Variants in RNF150 observed in about 807,000 individuals in gnomAD.
RNF150 encodes ring finger protein 150.
RNF150 carries 24 observed loss-of-function variants against 39.3 expected under a neutral mutation model. The ratio of observed to expected loss-of-function variants is 0.61; its 90% CI spans 0.44 to 0.86. RNF150 has a LOEUF of 0.86. Among genes scored for constraint, RNF150 ranks in the 40% least tolerant of loss-of-function variants. The pLI, the probability that RNF150 is intolerant of heterozygous loss-of-function variation, is 0.00. For synonymous variants in RNF150, 255 were observed against 227.3 expected (o/e 1.12, Z -1.10); for missense variants, 502 against 587.8 (o/e 0.85, Z 1.51).
chr4:141,194,390 G>C (rs937068908), intron 1 of RNF150, among the ~76,000 whole-genome samples: 7 of 152,110 alleles, frequency 4.6e-5, no homozygotes, highest in Non-Finnish European at 8.8e-5. Context: ...GAACTATACG[G>C]TATTTTCACA....
intron 1 of RNF150, among the ~76,000 whole-genome samples, chr4:141,203,723 GA>G (rs1258978057): frequency 6.9e-6 from 1 of 145,626 alleles, no homozygotes; most frequent in Non-Finnish European, 1.5e-5. Context: ...TTTGGGTTCT[GA>G]GGCGGATAGA....
intron 1 of RNF150, among the ~76,000 whole-genome samples, chr4:141,174,919 T>G (rs1727784347): frequency 6.7e-6 from 1 of 149,554 alleles, no homozygotes; most frequent in Non-Finnish European, 1.5e-5. Flanking sequence ...CTGTACCAAC[T>G]CCAAATGAAG....
intron 1 of RNF150, among the ~76,000 whole-genome samples, chr4:140,968,679 G>T (rs1313995735): frequency 6.6e-6 from 1 of 151,576 alleles, no homozygotes; most frequent in Non-Finnish European, 1.5e-5. Flanking sequence ...CCAGTTATTA[G>T]ACAGCTTGGA....
Position 140,967,666 on chromosome 4 carries a change from T to C in RNF150, c.692A>G (p.Tyr231Cys). 1.9e-6 allele frequency: 3 copies of C among 1,613,232 alleles called. No individual in the cohort carries two copies. The highest frequency in any genetic ancestry group is 2.5e-6 in the Non-Finnish European group (3 of 1,179,432). Residue 231 changes from tyrosine to cysteine, a missense_variant, in exon 2 of 7, where the codon TAC becomes TGC. Tyr to Cys is a radical substitution (Grantham distance 194, BLOSUM62 -2). Transcript: ENST00000515673. The stretch of plus-strand genomic sequence containing the variant: ...ATTTGCATATCGAAACCTCTGGATG[T>C]AATAAAAGACGAGCCATGCGAGGGA... ...IISLAWLVFY[Y>C]IQRFRYANAR...
chr4:140,917,632 G>A (rs546169934), intron 5 of RNF150, among the ~76,000 whole-genome samples: 4 of 152,254 alleles, frequency 2.6e-5, no homozygotes, highest in South Asian at 2.1e-4. Flanking sequence ...ACAGATCAAC[G>A]AGACAGAAAG....
At chr4:141,068,568 T>C (rs1737555229) in intron 1 of RNF150, among the ~76,000 whole-genome samples, 1 of 151,944 alleles carries the variant, frequency 6.6e-6, no homozygotes, top group Admixed American at 6.6e-5. Flanking sequence ...ATATGAACTT[T>C]AAAGTAGTTT....
At chr4:140,899,294 AT>A (rs1483787458) in intron 6 of RNF150, among the ~76,000 whole-genome samples, 2 of 152,146 alleles carry the variant, frequency 1.3e-5, no homozygotes, top group Admixed American at 6.5e-5. Context: ...CAGCTTCCAG[AT>A]TTTCCAAATT....
intron 5 of RNF150, among the ~76,000 whole-genome samples, chr4:140,922,588 A>G (rs1424185630): frequency 6.6e-6 from 1 of 151,664 alleles, no homozygotes; most frequent in African/African-American, 2.4e-5. Context: ...CAAGCTACCA[A>G]TGACTTTCTT....
chr4:141,111,004 T>C (rs563657103), intron 1 of RNF150, among the ~76,000 whole-genome samples: 1 of 152,028 alleles, frequency 6.6e-6, no homozygotes, highest in Non-Finnish European at 1.5e-5. Flanking sequence ...TGAGAACCCA[T>C]CTAGGAGGGG....
intron 6 of RNF150, among the ~76,000 whole-genome samples, chr4:140,898,171 G>T (rs1335310655): frequency 6.6e-6 from 1 of 151,960 alleles, no homozygotes; most frequent in South Asian, 2.1e-4. Context: ...TGGATGCTAG[G>T]GATATACTAT....
chr4:141,019,981 T>C (rs1161916648), intron 1 of RNF150, among the ~76,000 whole-genome samples: 1 of 152,136 alleles, frequency 6.6e-6, no homozygotes, highest in Non-Finnish European at 1.5e-5. Flanking sequence ...GCTTGAAAAA[T>C]TGGATCACCT....
chr4:140,901,613 G>A (rs954261770), intron 6 of RNF150, among the ~76,000 whole-genome samples: 2 of 152,096 alleles, frequency 1.3e-5, no homozygotes, highest in Non-Finnish European at 2.9e-5. Flanking sequence ...TCCAACTGAC[G>A]TTTATTAAAT....
intron 1 of RNF150, among the ~76,000 whole-genome samples, chr4:141,156,294 T>C (rs1317523638): frequency 6.6e-6 from 1 of 152,182 alleles, no homozygotes; most frequent in East Asian, 1.9e-4. Flanking sequence ...TATTTATTTA[T>C]TTCTGAGACA....
intron 1 of RNF150, among the ~76,000 whole-genome samples, chr4:141,019,059 T>C (rs1303769811): frequency 1.7e-5 from 2 of 114,506 alleles, no homozygotes; most frequent in African/African-American, 3.5e-5. Flanking sequence ...TATATATATA[T>C]ATATATATAT....
At chr4:141,134,745 G>A (rs1347922452), upstream of RNF150, among the ~76,000 whole-genome samples, 1 of 152,184 alleles carries the variant, frequency 6.6e-6, no homozygotes. Flanking sequence ...TTGGGACAGT[G>A]CTTTTTATAG....
chr4:140,995,943 T>G (rs144526667), intron 1 of RNF150, among the ~76,000 whole-genome samples: 2 of 152,180 alleles, frequency 1.3e-5, no homozygotes, highest in Admixed American at 1.3e-4. Context: ...AACATGGGAT[T>G]CAGATATCTC....
At chr4:140,952,790 A>C (rs1476675285) in intron 2 of RNF150, among the ~76,000 whole-genome samples, 1 of 152,210 alleles carries the variant, frequency 6.6e-6, no homozygotes, top group Non-Finnish European at 1.5e-5. Context: ...CCAAATTAGC[A>C]GAATTAATAG....
chr4:140,885,347 C>T (rs188789114), intron 6 of RNF150, among the ~76,000 whole-genome samples: 7 of 143,706 alleles, frequency 4.9e-5, no homozygotes, highest in East Asian at 4.1e-4. Flanking sequence ...ATTACAGGTG[C>T]GTGCCATCAC....
intron 4 of RNF150, among the ~76,000 whole-genome samples, chr4:140,935,032 AAT>A (rs1233671306): frequency 2.1e-4 from 2 of 9,334 alleles, no homozygotes; most frequent in African/African-American, 3.0e-4. Flanking sequence ...ATATATTTAT[AAT>A]ATATATATAT....
Sources: gnomAD v4.1 joint callset for allele counts (sites outside exome capture counted in the v4.1 genomes callset) on GRCh38, gnomAD v4.1.1 for gene constraint, MANE v1.5 for transcripts, NCBI Gene and HGNC (gene_info 2026-07-23, HGNC 2026-07-21) for gene names.